LINGO2: variants seen among roughly 807,000 people sequenced by gnomAD.
LINGO2 encodes leucine-rich repeat and immunoglobulin-like domain-containing nogo receptor-interacting protein 2.
LINGO2 carries 14 observed loss-of-function variants against 30.6 expected under a neutral mutation model. The ratio of observed to expected loss-of-function variants is 0.46; its 90% CI spans 0.30 to 0.72. The LOEUF (loss-of-function observed/expected upper bound fraction) is 0.72. Among genes scored for constraint, LINGO2 ranks in the 30% least tolerant of loss-of-function variants. The probability of loss-of-function intolerance (pLI) is 0.07; values close to 1 mark genes in which losing one functional copy is unlikely to be tolerated. For missense variants in LINGO2, 729 were observed against 751.7 expected (o/e 0.97, Z 0.35); for synonymous variants, 317 against 288.5 (o/e 1.10, Z -1.00).
rs1821068935 is a variant in LINGO2, at chr9:27,985,216, A to C, written c.-36+27139T>G. On this transcript the variant is annotated intron_variant, in intron 5 of 5. Transcript: ENST00000379992. Reference sequence around the variant, plus strand: ...ATAACACATCAACCATGAGCATCATATATATACAACATGTATTTTTCTTCC... The same window carrying C: ...ATAACACATCAACCATGAGCATCATCTATATACAACATGTATTTTTCTTCC... Among the ~76,000 whole-genome samples, 3 of 151,896 alleles carry C rather than the reference A, an allele frequency of 2.0e-5. No homozygotes were observed. The South Asian group carries it at 6.2e-4, about 31-fold the overall frequency.
At chr9:28,694,429 T>A in the LINGO2 span, among the ~76,000 whole-genome samples, 1 of 152,128 alleles carries the variant, frequency 6.6e-6, no homozygotes, top group African/African-American at 2.4e-5. Flanking sequence ...GTATTAACAA[T>A]TTCAGAAACT....
chr9:28,574,289 C>T (rs936775820), intron 1 of LINGO2, among the ~76,000 whole-genome samples: 18 of 152,302 alleles, frequency 1.2e-4, no homozygotes, highest in African/African-American at 3.8e-4. Flanking sequence ...TCCAGTAACA[C>T]CTTTGGATCT....
intron 4 of LINGO2, among the ~76,000 whole-genome samples, chr9:28,037,714 T>TA (rs1824004450): frequency 6.6e-6 from 1 of 152,256 alleles, no homozygotes; most frequent in African/African-American, 2.4e-5. Context: ...GAACTACCAA[T>TA]AAATTAGCGA....
At chr9:28,286,718 C>A (rs188614846) in intron 4 of LINGO2, among the ~76,000 whole-genome samples, 21 of 152,208 alleles carry the variant, frequency 1.4e-4, no homozygotes, top group Non-Finnish European at 2.9e-4. Flanking sequence ...AATAGAAAAC[C>A]AAACACCTCA....
the LINGO2 span, among the ~76,000 whole-genome samples, chr9:28,986,704 C>T: frequency 0.19 from 28,344 of 151,852 alleles, 2,801 homozygotes; most frequent in East Asian, 0.27. Context: ...ATTTCATACA[C>T]CTAAACTGCC....
At chr9:28,643,337 C>A (rs1827687455) in intron 1 of LINGO2, among the ~76,000 whole-genome samples, 1 of 151,962 alleles carries the variant, frequency 6.6e-6, no homozygotes, top group Non-Finnish European at 1.5e-5. Context: ...GGCATAAAAA[C>A]AGACACATAG....
intron 1 of LINGO2, among the ~76,000 whole-genome samples, chr9:28,498,816 G>A (rs996697883): frequency 2.0e-5 from 3 of 151,886 alleles, no homozygotes; most frequent in Admixed American, 1.3e-4. Context: ...CTCCTATTTA[G>A]GCTACTTTGA....
At chr9:28,349,626 T>G (rs1404166328) in intron 3 of LINGO2, among the ~76,000 whole-genome samples, 4 of 138,660 alleles carry the variant, frequency 2.9e-5, no homozygotes, top group African/African-American at 1.1e-4. Context: ...AGGACAACGT[T>G]CAGATTCAGG....
At chr9:28,735,539 T>C in the LINGO2 span, among the ~76,000 whole-genome samples, 1 of 152,158 alleles carries the variant, frequency 6.6e-6, no homozygotes, top group Non-Finnish European at 1.5e-5. Context: ...ATCAAGTTAT[T>C]ATAATTATCT....
At chr9:27,991,741 C>T (rs984165491) in intron 5 of LINGO2, among the ~76,000 whole-genome samples, 1 of 152,034 alleles carries the variant, frequency 6.6e-6, no homozygotes, top group Admixed American at 6.6e-5. Flanking sequence ...ATGGATAGAA[C>T]ATTTTAGAAG....
At chr9:28,072,898 T>A (rs1388525510) in intron 4 of LINGO2, among the ~76,000 whole-genome samples, 6 of 152,038 alleles carry the variant, frequency 3.9e-5, no homozygotes, top group African/African-American at 1.4e-4. Context: ...CGATATGCCA[T>A]CTGCGGTTTT....
At chr9:28,415,803 G>A (rs766309922) in intron 2 of LINGO2, among the ~76,000 whole-genome samples, 3 of 152,106 alleles carry the variant, frequency 2.0e-5, no homozygotes, top group Non-Finnish European at 2.9e-5. Context: ...TGTTTTACAA[G>A]CAATTATTAT....
intron 4 of LINGO2, among the ~76,000 whole-genome samples, chr9:28,189,277 G>GAGGAAGGAAGGGAGGGAGGA (rs1819667615): frequency 7.2e-5 from 3 of 41,654 alleles, no homozygotes; most frequent in African/African-American, 1.3e-4. Flanking sequence ...GGGAGGAAGG[G>GAGGAAGGAAGGGAGGGAGGA]AGGGAGGGAG....
At chr9:28,876,968 T>C in the LINGO2 span, among the ~76,000 whole-genome samples, 2 of 152,218 alleles carry the variant, frequency 1.3e-5, no homozygotes, top group African/African-American at 4.8e-5. Flanking sequence ...TGGTATCTCA[T>C]TCTGGTTTTG....
chr9:28,210,827 T>C (rs1022657687), intron 4 of LINGO2, among the ~76,000 whole-genome samples: 2 of 151,492 alleles, frequency 1.3e-5, no homozygotes, highest in Admixed American at 1.3e-4. Context: ...GATTTCTATC[T>C]GGTTAAACAG....
At chr9:28,096,424 A>G (rs578009049) in intron 4 of LINGO2, among the ~76,000 whole-genome samples, 2 of 152,312 alleles carry the variant, frequency 1.3e-5, no homozygotes, top group East Asian at 3.9e-4. Flanking sequence ...TTAGCAGTGG[A>G]AAAAGAACAT....
chr9:29,138,626 C>A, the LINGO2 span, among the ~76,000 whole-genome samples: 1 of 146,388 alleles, frequency 6.8e-6, no homozygotes, highest in Non-Finnish European at 1.5e-5. Flanking sequence ...AGCCATCAGT[C>A]ATTTGTATGA....
At chr9:28,084,326 G>A (rs1184175542) in intron 4 of LINGO2, among the ~76,000 whole-genome samples, 1 of 152,028 alleles carries the variant, frequency 6.6e-6, no homozygotes, top group Non-Finnish European at 1.5e-5. Flanking sequence ...TGCACCTGCA[G>A]GTGCTGAGCT....
chr9:29,009,230 G>A, the LINGO2 span, among the ~76,000 whole-genome samples: 1 of 152,260 alleles, frequency 6.6e-6, no homozygotes, highest in South Asian at 2.1e-4. Flanking sequence ...GTTAGAAAAA[G>A]AGGAAGTCAA....
Sources: allele counts gnomAD v4.1 joint callset (sites outside exome capture counted in the v4.1 genomes callset), GRCh38; gene constraint gnomAD v4.1.1; transcripts MANE v1.5; gene names NCBI Gene and HGNC (gene_info 2026-07-23, HGNC 2026-07-21).